GTF3C3: variants seen among roughly 807,000 people sequenced by gnomAD.
The protein encoded by GTF3C3 is general transcription factor IIIC subunit 3, also known as general transcription factor 3C polypeptide 3.
GTF3C3 carries 75 observed loss-of-function variants against 105.2 expected under a neutral mutation model. The observed-to-expected ratio is 0.71, with a 90% CI of 0.59 to 0.86. The LOEUF (loss-of-function observed/expected upper bound fraction) is 0.86, where lower values mean the gene tolerates loss of function less well. GTF3C3 is among the 40% of genes least tolerant of loss of function. The pLI is 0.00. For missense variants in GTF3C3, 856 were observed against 1,076.5 expected (o/e 0.80, Z 2.87); for synonymous variants, 335 against 370.4 (o/e 0.90, Z 1.10).
At chr2:196,798,653 G>C (rs939325284) in intron 1 of GTF3C3, among the ~76,000 whole-genome samples, 1 of 152,088 alleles carries the variant, frequency 6.6e-6, no homozygotes, top group Non-Finnish European at 1.5e-5. Flanking sequence ...CACGAGGTCA[G>C]GAGTTTGAGA....
intron 3 of GTF3C3, among the ~76,000 whole-genome samples, chr2:196,792,588 A>G (rs968222647): frequency 6.6e-6 from 1 of 152,116 alleles, no homozygotes; most frequent in Non-Finnish European, 1.5e-5. Context: ...AAATGGCCCA[A>G]TTGGTTTAAA....
At chr2:196,767,560 A>T (rs1576014957) in intron 16 of GTF3C3, among the ~76,000 whole-genome samples, 1 of 152,338 alleles carries the variant, frequency 6.6e-6, no homozygotes, top group African/African-American at 2.4e-5. Context: ...AAATAGGTAA[A>T]TAATAAAAAT....
intron 6 of GTF3C3, among the ~76,000 whole-genome samples, chr2:196,785,944 T>TG (rs767597395): frequency 1.2e-4 from 18 of 152,160 alleles, no homozygotes; most frequent in Non-Finnish European, 2.4e-4. Context: ...TCCTTCTCCA[T>TG]GGCCCAACGT....
intron 7 of GTF3C3, among the ~76,000 whole-genome samples, 154 bp downstream of exon 7, chr2:196,785,287 C>T (rs1433466047): frequency 6.6e-6 from 1 of 152,138 alleles, no homozygotes; most frequent in African/African-American, 2.4e-5. Flanking sequence ...ATATTTCATA[C>T]TGAATTGCTA....
At chr2:196,784,311 G>A (rs888610885) in intron 8 of GTF3C3, among the ~76,000 whole-genome samples, 1 of 152,134 alleles carries the variant, frequency 6.6e-6, no homozygotes, top group African/African-American at 2.4e-5. Flanking sequence ...ACAACTTGAT[G>A]TAGGGTCTTG....
intron 12 of GTF3C3, among the ~76,000 whole-genome samples, chr2:196,775,470 A>G (rs550052076): frequency 6.6e-6 from 1 of 152,322 alleles, no homozygotes; most frequent in Non-Finnish European, 1.5e-5. Context: ...GTGCCACAAG[A>G]CTGAAAGCTC....
At chr2:196,790,200 T>C (rs1207498262) in intron 4 of GTF3C3, 130 bp from the exon 5 acceptor site, 3 of 496,232 alleles carry the variant, frequency 6.0e-6, no homozygotes, top group Non-Finnish European at 1.0e-5. Flanking sequence ...AGCAGAATTA[T>C]ACAAACTGCT....
At chr2:196,799,221 C>T (rs1286179015) in intron 1 of GTF3C3, 3 of 317,298 alleles carry the variant, frequency 9.5e-6, no homozygotes, top group Non-Finnish European at 1.8e-5. Context: ...CTCTTCTCCC[C>T]ACCTCCCATT....
intron 7 of GTF3C3, 22 bp downstream of exon 7, chr2:196,785,404 TGCAAAACTTAACAGA>T: frequency 7.7e-7 from 1 of 1,293,970 alleles, no homozygotes; most frequent in Non-Finnish European, 1.0e-6. Flanking sequence ...CAGAAACACA[TGCAAAACTTAACAGA>T]GAAACACATA....
Position 196,791,419 on chromosome 2 carries a change from A to G in GTF3C3, c.453T>C (p.Gly151=). 1 of 1,613,742 alleles carries G rather than the reference A, an allele frequency of 6.2e-7. No individual in the cohort carries two copies. Among genetic ancestry groups the G allele is most frequent in the Admixed American group, 1.7e-5 (1 of 60,014 alleles). Residue 151 remains glycine (G), a synonymous_variant, in exon 4 of 18, where the codon GGT becomes GGC. Coordinates refer to ENST00000263956, the MANE Select transcript of GTF3C3 (RefSeq NM_012086.5). Reference sequence around the variant, plus strand: ...AACGAATGTTGGCTTCACCCATGAGACCTCTCAGAGCTCTGGGAAGTTTAC... The same window carrying G: ...AACGAATGTTGGCTTCACCCATGAGGCCTCTCAGAGCTCTGGGAAGTTTAC... ...PRSKLPRALR[G]LMGEANIRFA... is the part of the protein sequence containing the mutation.
intron 17 of GTF3C3, 122 bp from the exon 18 acceptor site, chr2:196,764,807 T>TA (rs56828869): frequency 3.0e-4 from 206 of 680,980 alleles, no homozygotes; most frequent in Non-Finnish European, 3.7e-4. Flanking sequence ...GCTCATGTAC[T>TA]AAAAAAAAAT....
rs769837926 is a variant in GTF3C3, at chr2:196,785,437, C to T, written c.1041+4G>A. On this transcript the variant is annotated splice_donor_region_variant and intron_variant, in intron 7 of 17. Transcript: ENST00000263956. ...TTAACAGAGAAACACATAAGCATTC[C>T]TACCTCCAAAGCTTTGTCATACTGT... 1.2e-5 allele frequency: 19 copies of T among 1,582,940 alleles called. No homozygotes were observed. Among genetic ancestry groups the T allele is most frequent in the Non-Finnish European group, 1.5e-5 (17 of 1,163,006 alleles).
intron 17 of GTF3C3, among the ~76,000 whole-genome samples, chr2:196,765,871 G>T (rs750574024): frequency 6.6e-6 from 1 of 151,558 alleles, no homozygotes; most frequent in Non-Finnish European, 1.5e-5. Flanking sequence ...TTAGCTGGGC[G>T]TGGTGGCAGG....
intron 8 of GTF3C3, among the ~76,000 whole-genome samples, chr2:196,781,342 GAAAAAAAAA>G (rs769914255): frequency 3.2e-5 from 1 of 31,454 alleles, no homozygotes; most frequent in East Asian, 1.8e-3. Context: ...ATGTTAAGGG[GAAAAAAAAA>G]AAAAAAATAT....
intron 4 of GTF3C3, among the ~76,000 whole-genome samples, chr2:196,790,856 GAAACA>G (rs889387482): frequency 6.6e-6 from 1 of 151,496 alleles, no homozygotes; most frequent in African/African-American, 2.4e-5. Context: ...AAACATCAAG[GAAACA>G]AAACAATAAA....
rs760342755 is a variant in GTF3C3, at chr2:196,769,922, A to G, written c.2378T>C (p.Ile793Thr). 5 of 1,607,408 alleles carry G rather than the reference A, an allele frequency of 3.1e-6. No individual in the cohort carries two copies. The highest frequency in any genetic ancestry group is 4.5e-5 in the East Asian group (2 of 44,742). Reference protein sequence around the residue: ...QKYVLRRHALIVQGFSFLNRY... With the variant: ...QKYVLRRHALTVQGFSFLNRY... ...GAAATTTGAATGAATTACCTGTACA[A>G]TAAGAGCATGTCTCCGTAACACATA... is the stretch of plus-strand genomic sequence containing the variant. Residue 793 changes from isoleucine to threonine, a missense_variant, in exon 16 of 18, where the codon ATT (isoleucine) becomes ACT (threonine). Coordinates refer to ENST00000263956, the MANE Select transcript of GTF3C3 (RefSeq NM_012086.5).
chr2:196,791,047 A>C (rs1221553637), intron 4 of GTF3C3, among the ~76,000 whole-genome samples: 3 of 152,210 alleles, frequency 2.0e-5, no homozygotes, highest in Non-Finnish European at 4.4e-5. Flanking sequence ...AAAGCTCTTC[A>C]AGTGGCTTTA....
intron 2 of GTF3C3, among the ~76,000 whole-genome samples, chr2:196,795,062 G>C (rs1699619694): frequency 6.6e-6 from 1 of 151,204 alleles, no homozygotes. Context: ...GTTTTTTTTA[G>C]ACAGAGTCTT....
In GTF3C3 at chr2:196,797,839, C is replaced by T. The variant is rs910600025; in HGVS notation, c.172G>A (p.Gly58Arg). The T allele has an allele frequency of 1.2e-6, 2 of 1,611,786 alleles. No homozygotes were observed. Among genetic ancestry groups the T allele is most frequent in the Non-Finnish European group, 1.7e-6 (2 of 1,177,996 alleles). Residue 58 changes from glycine to arginine, a missense_variant, in exon 2 of 18, where the codon GGA becomes AGA. By Grantham distance (125) the Gly-to-Arg change is moderately radical. This residue lies in a region of GTF3C3 where 117 missense variants were observed against 114.0 expected (regional missense o/e 1.03). Transcript: ENST00000263956. ...PDDSEVPSSS[G>R]INSTKSQDKD... ...TCTTGGGATTTGGTAGAGTTAATTC[C>T]TGATGATGATGGAACTTCAGAGTCA...
Sources: gnomAD v4.1 joint callset for allele counts (sites outside exome capture counted in the v4.1 genomes callset) on GRCh38, gnomAD v4.1.1 for gene constraint, gnomAD v4.1.1 regional missense constraint, MANE v1.5 for transcripts, NCBI Gene and HGNC (gene_info 2026-07-23, HGNC 2026-07-21) for gene names.